Variants in FRYL observed in about 807,000 individuals in gnomAD.
FRYL encodes the protein protein furry homolog-like.
FRYL carries 150 observed loss-of-function variants against 351.2 expected under a neutral mutation model. The observed-to-expected ratio is 0.43, with a 90% confidence interval of 0.37 to 0.49. FRYL has a LOEUF of 0.49. FRYL is among the 20% of genes least tolerant of loss of function. The pLI is 0.00. For missense variants in FRYL, 3,036 were observed against 3,619.3 expected (o/e 0.84, Z 4.13); for synonymous variants, 1,153 against 1,257.1 (o/e 0.92, Z 1.75).
chr4:48,659,523 G>A (rs1344845695), intron 3 of FRYL, among the ~76,000 whole-genome samples: 325 of 802 alleles, frequency 0.41, 156 homozygotes, highest in Non-Finnish European at 0.5. Flanking sequence ...AGGGAGAAGA[G>A]GGAGAAGGAG....
At chr4:48,678,531 ATAGAGAGAG>A (rs1764125139) in intron 3 of FRYL, among the ~76,000 whole-genome samples, 1 of 140,058 alleles carries the variant, frequency 7.1e-6, no homozygotes. Flanking sequence ...AAAAAAAAAA[ATAGAGAGAG>A]AAGGAATTGA....
At chr4:48,619,555 C>CCAGG (rs1750237666) in intron 6 of FRYL, among the ~76,000 whole-genome samples, 185 bp from the exon 7 acceptor site, 1 of 152,036 alleles carries the variant, frequency 6.6e-6, no homozygotes. Context: ...GTTCTGTCAC[C>CCAGG]CAGGCTGGAG....
chr4:48,609,661 A>G (rs1747655417), intron 8 of FRYL, 83 bp downstream of exon 8: 1 of 623,266 alleles, frequency 1.6e-6, no homozygotes. Flanking sequence ...TTGAACTCTC[A>G]AACAAATGAT....
chr4:48,540,240 TA>T, intron 46 of FRYL, 112 bp downstream of exon 46: 1 of 1,307,464 alleles, frequency 7.6e-7, no homozygotes, highest in Non-Finnish European at 1.0e-6. Context: ...ACCTAGCGTA[TA>T]AAAACTATGA....
intron 35 of FRYL, among the ~76,000 whole-genome samples, chr4:48,556,018 C>A (rs943046013): frequency 6.6e-6 from 1 of 152,202 alleles, no homozygotes; most frequent in Non-Finnish European, 1.5e-5. Context: ...CCTCAGCCTC[C>A]TGAGTAGCTG....
chr4:48,522,880 T>C, intron 54 of FRYL, 21 bp downstream of exon 54: 1 of 1,588,076 alleles, frequency 6.3e-7, no homozygotes, highest in Middle Eastern at 1.7e-4. Flanking sequence ...AATGTCACTG[T>C]AAGAAAAGTG....
intron 36 of FRYL, among the ~76,000 whole-genome samples, chr4:48,552,579 T>C (rs1733109442): frequency 1.3e-5 from 2 of 152,064 alleles, no homozygotes; most frequent in African/African-American, 4.8e-5. Flanking sequence ...CTGTATTGGA[T>C]ACGAAACAAC....
Position 48,719,467 on chromosome 4 carries a change from C to A in FRYL, c.-383-8769G>T, listed in dbSNP as rs555266572. ...AGGCTGCTATATAAAGATGACAAAC[C>A]ATTATTAGTATCAAGTATTGTTAAG... is the stretch of plus-strand genomic sequence containing the variant. On this transcript the variant is annotated intron_variant, in intron 1 of 63. Coordinates refer to ENST00000358350, the MANE Select transcript of FRYL (RefSeq NM_015030.2). Among the ~76,000 whole-genome samples the A allele has an allele frequency of 1.3e-4, 19 of 151,610 alleles. 1 individual carries two copies. The highest frequency in any genetic ancestry group is 2.4e-4 in the Non-Finnish European group (16 of 67,882).
intron 2 of FRYL, among the ~76,000 whole-genome samples, chr4:48,695,038 G>T (rs1766023596): frequency 6.6e-6 from 1 of 152,094 alleles, no homozygotes; most frequent in African/African-American, 2.4e-5. Context: ...CTCTAGCCTG[G>T]GCAACAGAGT....
At chr4:48,651,632 T>C (rs1420459434) in intron 3 of FRYL, among the ~76,000 whole-genome samples, 1 of 152,202 alleles carries the variant, frequency 6.6e-6, no homozygotes, top group Non-Finnish European at 1.5e-5. Context: ...GAACACGTTT[T>C]ATACTTCTAT....
At chr4:48,502,396 T>G (rs945090276) in intron 61 of FRYL, among the ~76,000 whole-genome samples, 1 of 151,920 alleles carries the variant, frequency 6.6e-6, no homozygotes, top group Admixed American at 6.6e-5. Context: ...CAAAAAATAA[T>G]TAGCTGGGCA....
chr4:48,549,506 G>C lies in FRYL; in HGVS notation c.4751C>G (p.Pro1584Arg). 6.2e-7 allele frequency: 1 copy of C among 1,612,746 alleles called. No homozygotes were observed. Among genetic ancestry groups the C allele is most frequent in the Non-Finnish European group, 8.5e-7 (1 of 1,179,306 alleles). The change falls in exon 39 of 64, where the codon CCT becomes CGT. Residue 1584 changes from proline (P) to arginine (R), a missense_variant. By Grantham distance (103) the Pro-to-Arg change is moderately radical (BLOSUM62 -2). This residue lies in a region of FRYL where 1,987 missense variants were observed against 2,311.7 expected (regional missense o/e 0.86). Coordinates refer to ENST00000358350, the MANE Select transcript of FRYL (RefSeq NM_015030.2). The surrounding 1 kb of genome is among the most constrained non-coding windows in gnomAD (Gnocchi z 4.2). ...GCWSPLVDYVPETSSPGLPLH... is the reference protein window; with the variant it reads ...GCWSPLVDYVRETSSPGLPLH... ...AGGTAATCCAGGTGATGACGTTTCA[G>C]GCACGTAATCCACCAGTGGTGACCA... is the stretch of plus-strand genomic sequence containing the variant.
At chr4:48,674,375 C>T (rs1763210003) in intron 3 of FRYL, among the ~76,000 whole-genome samples, 1 of 152,056 alleles carries the variant, frequency 6.6e-6, no homozygotes, top group African/African-American at 2.4e-5. Flanking sequence ...AAAAAACAGT[C>T]TAAGGATATT....
rs190919297 is a variant in FRYL, at chr4:48,564,593, C to T, written c.3441+340G>A. On this transcript the variant is annotated intron_variant, in intron 30 of 63. Coordinates refer to ENST00000358350, the MANE Select transcript of FRYL (RefSeq NM_015030.2). ...ATTAAATGGAAAGTGGTTAAAAAAA[C>T]GAAATGAAACATAGCAAATAACATA... 5.9e-5 allele frequency among the ~76,000 whole-genome samples: 9 copies of T among 152,198 alleles called. No homozygotes were observed. The East Asian group carries it at 7.7e-4, about 13-fold the overall frequency.
chr4:48,646,585 T>C lies in FRYL; in HGVS notation c.-80-12095A>G, dbSNP rs1756513741. 2.0e-5 allele frequency among the ~76,000 whole-genome samples: 3 copies of C among 152,150 alleles called. No homozygotes were observed. In the South Asian group the frequency reaches 6.2e-4, roughly 32 times the overall value. On this transcript the variant is annotated intron_variant, in intron 3 of 63. Transcript: ENST00000358350. The stretch of plus-strand genomic sequence containing the variant: ...AAGGCTAGCAAACTTGTCTTATCAA[T>C]GTGACAATGCAACTGCAAACAGTTA...
chr4:48,531,940 T>C (rs1706167183), intron 49 of FRYL, among the ~76,000 whole-genome samples: 1 of 152,078 alleles, frequency 6.6e-6, no homozygotes. Flanking sequence ...TCCCTACATA[T>C]TTTGGCTATT....
At chr4:48,601,207 A>C (rs75821506) in intron 13 of FRYL, among the ~76,000 whole-genome samples, 1 of 152,170 alleles carries the variant, frequency 6.6e-6, no homozygotes, top group Admixed American at 6.5e-5. Context: ...TTCAGTCTCA[A>C]GTCTAACTTA....
intron 62 of FRYL, among the ~76,000 whole-genome samples, chr4:48,500,792 G>T (rs1313602398): frequency 3.3e-5 from 5 of 152,110 alleles, no homozygotes; most frequent in Non-Finnish European, 7.4e-5. Context: ...TAATAAAACT[G>T]TAACAATGTG....
chr4:48,710,068 A>T (rs1434286400), intron 2 of FRYL, among the ~76,000 whole-genome samples: 1 of 152,222 alleles, frequency 6.6e-6, no homozygotes, highest in Non-Finnish European at 1.5e-5. Flanking sequence ...CTTCCAAAAA[A>T]AAGTCAGAAT....
Sources: allele counts gnomAD v4.1 joint callset (sites outside exome capture counted in the v4.1 genomes callset), GRCh38; gene constraint gnomAD v4.1.1; regional missense constraint gnomAD v4.1.1; non-coding constraint Gnocchi (gnomAD v3.1); transcripts MANE v1.5; gene names NCBI Gene and HGNC (gene_info 2026-07-23, HGNC 2026-07-21).